Variants in BMP2K observed in about 807,000 individuals in gnomAD.
BMP2K encodes the protein BMP-2-inducible protein kinase.
A neutral mutation model predicts 116.0 loss-of-function variants in BMP2K; 74 were observed. The ratio of observed to expected loss-of-function variants is 0.64; its 90% CI spans 0.53 to 0.77. The LOEUF (loss-of-function observed/expected upper bound fraction) is 0.77. Among genes scored for constraint, BMP2K ranks in the 30% least tolerant of loss-of-function variants. The pLI is 0.00. For missense variants in BMP2K, 1,365 were observed against 1,403.6 expected (o/e 0.97, Z 0.44); for synonymous variants, 486 against 502.5 (o/e 0.97, Z 0.44).
At chr4:78,874,983 A>G (rs1327507488) in intron 13 of BMP2K, among the ~76,000 whole-genome samples, 2 of 152,234 alleles carry the variant, frequency 1.3e-5, no homozygotes, top group Middle Eastern at 3.2e-3. Flanking sequence ...TATCTGGGAA[A>G]GTGCATAAGA....
rs992865403 is a variant in BMP2K at position 78,794,426 on chromosome 4, C to T, written c.178+17705C>T. 3.9e-5 allele frequency among the ~76,000 whole-genome samples: 6 copies of T among 152,074 alleles called. No homozygotes were observed. In the South Asian group the frequency reaches 8.3e-4, roughly 21 times the overall value. ...AAATATTCTGAATACCAAAAGTAGA[C>T]TTAGAAACTGTCAGAATACAATCTA... On this transcript the variant is annotated intron_variant, in intron 1 of 15. Transcript: ENST00000502613.
In BMP2K at chr4:78,905,409, A is replaced by C. The variant is rs538336324; in HGVS notation, c.2063-5201A>C. On this transcript the variant is annotated intron_variant, in intron 15 of 15. Coordinates refer to ENST00000502613, the MANE Select transcript of BMP2K (RefSeq NM_198892.2). Reference sequence around the variant, plus strand: ...ATTTAGTTAAAGAAAAAGAAGAAATACATTACTTAGAGCCAAAAATAAAAA... The same window carrying C: ...ATTTAGTTAAAGAAAAAGAAGAAATCCATTACTTAGAGCCAAAAATAAAAA... 7.2e-5 allele frequency among the ~76,000 whole-genome samples: 11 copies of C among 152,068 alleles called. No homozygotes were observed. The Middle Eastern group carries it at 0.01, about 141-fold the overall frequency.
chr4:78,837,505 G>C (rs1027756204), intron 3 of BMP2K, among the ~76,000 whole-genome samples: 5 of 152,034 alleles, frequency 3.3e-5, no homozygotes, highest in African/African-American at 1.2e-4. Flanking sequence ...TGACTCTTTC[G>C]TGTTCTCTCA....
rs183394796 is a variant in BMP2K, at chr4:78,900,220, T to G, written c.2063-10390T>G. 2.6e-3 allele frequency among the ~76,000 whole-genome samples: 393 copies of G among 152,350 alleles called. 1 individual carries two copies. The highest frequency in any genetic ancestry group is 4.4e-3 in the Non-Finnish European group (302 of 68,026). Reference sequence around the variant, plus strand: ...TATCTTATTGACATTTTGTTTTCTCTTTAAGAATACAGTGTATAATATAAC... The same window carrying G: ...TATCTTATTGACATTTTGTTTTCTCGTTAAGAATACAGTGTATAATATAAC... On this transcript the variant is annotated intron_variant, in intron 15 of 15. Coordinates refer to ENST00000502613, the MANE Select transcript of BMP2K (RefSeq NM_198892.2).
intron 7 of BMP2K, chr4:78,859,368 G>T: frequency 2.0e-5 from 7 of 349,386 alleles, no homozygotes; most frequent in South Asian, 1.2e-4. Context: ...CTAGTGTAGA[G>T]CTGTTCTGTG....
At chr4:78,853,941 C>T (rs1186894556) in intron 7 of BMP2K, among the ~76,000 whole-genome samples, 1 of 152,058 alleles carries the variant, frequency 6.6e-6, no homozygotes, top group Admixed American at 6.6e-5. Context: ...TGGATAGGGG[C>T]AGGACATGCT....
intron 7 of BMP2K, among the ~76,000 whole-genome samples, chr4:78,856,899 C>A (rs1731531953): frequency 1.3e-5 from 2 of 152,044 alleles, no homozygotes; most frequent in Non-Finnish European, 2.9e-5. Context: ...AAAGAAAGAT[C>A]ATCAGAGATT....
chr4:78,843,218 A>G (rs1276571857), intron 4 of BMP2K, among the ~76,000 whole-genome samples: 1 of 151,918 alleles, frequency 6.6e-6, no homozygotes, highest in Admixed American at 6.6e-5. Flanking sequence ...TTATGCCTAG[A>G]TATTCCTCTG....
intron 13 of BMP2K, among the ~76,000 whole-genome samples, chr4:78,873,658 CTGTGTGTGTGTGTGTGTGTGTGTGTGTG>C (rs377226626): frequency 1.4e-5 from 2 of 139,418 alleles, no homozygotes; most frequent in South Asian, 2.5e-4. Context: ...CTCCCAACCT[CTGTGTGTGTGTGTGTGTGTGTGTGTGTG>C]TGTGTGTGTG....
intron 15 of BMP2K, among the ~76,000 whole-genome samples, chr4:78,897,844 T>C (rs954841215): frequency 6.6e-6 from 1 of 152,238 alleles, no homozygotes; most frequent in Non-Finnish European, 1.5e-5. Context: ...AGGATTATTA[T>C]AAAGATTACA....
intron 12 of BMP2K, 48 bp downstream of exon 12, chr4:78,871,996 T>C (rs1449066049): frequency 9.1e-6 from 12 of 1,320,418 alleles, no homozygotes; most frequent in Middle Eastern, 1.9e-4. Context: ...CATTATGGTG[T>C]TGGAATTCAC....
At chr4:78,842,336 G>T (rs1730798362) in intron 3 of BMP2K, 49 bp from the exon 4 acceptor site, 2 of 1,493,350 alleles carry the variant, frequency 1.3e-6, no homozygotes, top group African/African-American at 1.4e-5. Flanking sequence ...GCTTGTGATA[G>T]ACTTTATTTA....
At chr4:78,875,360 G>A (rs1486316032) in intron 13 of BMP2K, among the ~76,000 whole-genome samples, 1 of 151,742 alleles carries the variant, frequency 6.6e-6, no homozygotes, top group Non-Finnish European at 1.5e-5. Context: ...TATCTTTGTT[G>A]GAATAATTAT....
intron 15 of BMP2K, among the ~76,000 whole-genome samples, chr4:78,887,772 T>C (rs1733178750): frequency 6.6e-6 from 1 of 152,202 alleles, no homozygotes; most frequent in African/African-American, 2.4e-5. Flanking sequence ...AGTAATAATT[T>C]CAAATTACCC....
intron 1 of BMP2K, among the ~76,000 whole-genome samples, chr4:78,815,038 G>A (rs1237635745): frequency 6.6e-6 from 1 of 152,076 alleles, no homozygotes; most frequent in Non-Finnish European, 1.5e-5. Context: ...ATTAGATGAG[G>A]ACTCCAATTT....
At chr4:78,813,699 C>A (rs573507608) in intron 1 of BMP2K, among the ~76,000 whole-genome samples, 1 of 152,298 alleles carries the variant, frequency 6.6e-6, no homozygotes, top group South Asian at 2.1e-4. Context: ...TACTCAAAGT[C>A]ACCTCAGGTC....
chr4:78,825,511 A>G (rs969951193), intron 1 of BMP2K, among the ~76,000 whole-genome samples: 2 of 152,244 alleles, frequency 1.3e-5, no homozygotes, highest in Admixed American at 6.5e-5. Context: ...TACATGTTCA[A>G]TTAGCAAGAA....
At chr4:78,777,582 C>T (rs1057423191) in intron 1 of BMP2K, among the ~76,000 whole-genome samples, 1 of 152,064 alleles carries the variant, frequency 6.6e-6, no homozygotes, top group Non-Finnish European at 1.5e-5. Flanking sequence ...GTGCTGCATG[C>T]TTCATTGGCC....
Position 78,911,869 on chromosome 4 carries a change from CTACATGGGT to C in BMP2K, c.3323_3331del (p.Leu1108_Ser1111delinsPro). ...GCCAGGGCGGCCAAGACAAAATTCA[CTACATGGGT>C]CATTCCATAGTGCAGATGTATTGAA... On this transcript the variant is annotated inframe_deletion, in exon 16 of 16. Coordinates refer to ENST00000502613, the MANE Select transcript of BMP2K (RefSeq NM_198892.2). 1 of 1,614,000 alleles carries C rather than the reference CTACATGGGT, an allele frequency of 6.2e-7. No individual in the cohort carries two copies. Among genetic ancestry groups the C allele is most frequent in the Middle Eastern group, 1.6e-4 (1 of 6,062 alleles).
Sources: allele counts gnomAD v4.1 joint callset (sites outside exome capture counted in the v4.1 genomes callset), GRCh38; gene constraint gnomAD v4.1.1; transcripts MANE v1.5; gene names NCBI Gene and HGNC (gene_info 2026-07-23, HGNC 2026-07-21).